The following GSG1 variants were observed in gnomAD, a reference collection of about 807,000 sequenced individuals.
GSG1 encodes germ cell-specific gene 1 protein.
A neutral mutation model predicts 30.8 loss-of-function variants in GSG1; 28 were observed. That is an observed-to-expected ratio of 0.91 (90% CI 0.67 to 1.25). GSG1 has a LOEUF of 1.25. GSG1 is among the 50% of genes most tolerant of loss of function. GSG1 has a pLI of 0.00. For synonymous variants in GSG1, 162 were observed against 178.0 expected, an observed-to-expected ratio of 0.91 and a Z score of 0.71; for missense variants, 435 against 444.7, an observed-to-expected ratio of 0.98 and a Z score of 0.20.
In GSG1 at chr12:13,101,699, G is replaced by A. The variant is rs1010128202; in HGVS notation, c.48+1766C>T. Among the ~76,000 whole-genome samples the A allele has an allele frequency of 1.3e-5, 2 of 152,224 alleles. No homozygotes were observed. Among genetic ancestry groups the A allele is most frequent in the African/African-American group, 4.8e-5 (2 of 41,462 alleles). Reference sequence around the variant, plus strand: ...TGGGCCAGGGCTCGGGATGTGTCGAGCTGCTGGAGTCCAAAGTCAGGCATT... The same window carrying A: ...TGGGCCAGGGCTCGGGATGTGTCGAACTGCTGGAGTCCAAAGTCAGGCATT... On this transcript the variant is annotated intron_variant, in intron 1 of 6. Coordinates refer to ENST00000651961, the MANE Select transcript of GSG1 (RefSeq NM_001080555.4). This position sits in a 1 kb window ranked among gnomAD's most constrained non-coding sequence, Gnocchi z 5.8.
rs1185628025 is a variant in GSG1 at position 13,090,793 on chromosome 12, C to T, written c.74G>A (p.Gly25Asp). ...QEMELSKAFS[G>D]QRTLLSAILS... ...GATGGCAGATAGGAGTGTCCGCTGG[C>T]CAGAGAAGGCCTTCGAGAGCTCCAT... Residue 25 changes from glycine to aspartate, a missense_variant, in exon 2 of 7, where the codon GGC becomes GAC. Coordinates refer to ENST00000651961, the MANE Select transcript of GSG1 (RefSeq NM_001080555.4). 1.2e-6 allele frequency: 2 copies of T among 1,612,842 alleles called. No individual in the cohort carries two copies. The highest frequency in any genetic ancestry group is 2.2e-5 in the East Asian group (1 of 44,854).
chr12:13,099,023 G>A (rs1367896307), intron 1 of GSG1, among the ~76,000 whole-genome samples: 1 of 152,038 alleles, frequency 6.6e-6, no homozygotes, highest in African/African-American at 2.4e-5. Flanking sequence ...TATTATTTTA[G>A]GCCTCCACAA....
intron 6 of GSG1, among the ~76,000 whole-genome samples, chr12:13,085,619 G>A (rs1865447742): frequency 6.6e-6 from 1 of 151,960 alleles, no homozygotes; most frequent in Admixed American, 6.6e-5. Flanking sequence ...AAGCTGAGCT[G>A]TATGCAGTGG....
intron 4 of GSG1, 54 bp downstream of exon 4, chr12:13,088,808 G>A: frequency 1.2e-6 from 2 of 1,614,202 alleles, no homozygotes; most frequent in Non-Finnish European, 1.7e-6. Context: ...CCAAATCGGA[G>A]AGTGGGGTGA....
rs1451601544 is a variant in GSG1 at position 13,084,606 on chromosome 12, T to C, written c.*295A>G. ...ATCCTTAAGGTCGGGAAGTGTATTT[T>C]ACTCTTCTTTTTATCTCCATGGTTT... On this transcript the variant is annotated 3_prime_UTR_variant, in exon 7 of 7. Coordinates refer to ENST00000651961, the MANE Select transcript of GSG1 (RefSeq NM_001080555.4). 1.2e-5 allele frequency: 3 copies of C among 251,444 alleles called. No individual in the cohort carries two copies. Among genetic ancestry groups the C allele is most frequent in the Non-Finnish European group, 2.3e-5 (3 of 129,606 alleles). 15.6% of individuals were successfully genotyped at this position (251,444 alleles called of 1,614,324 possible).
At chr12:13,089,021 C>T (rs1023313233) in intron 3 of GSG1, 112 bp from the exon 4 acceptor site, 50 of 1,384,048 alleles carry the variant, frequency 3.6e-5, no homozygotes, top group East Asian at 1.4e-4. Flanking sequence ...GCACCTGCCC[C>T]GCATAGAGCA....
Position 13,085,182 on chromosome 12 carries a change from T to G in GSG1, c.808A>C (p.Thr270Pro). The change falls in exon 7 of 7, where the codon ACC (threonine) becomes CCC (proline). Residue 270 changes from threonine (T) to proline (P), a missense_variant. Thr to Pro is a conservative substitution (Grantham distance 38). Coordinates refer to ENST00000651961, the MANE Select transcript of GSG1 (RefSeq NM_001080555.4). The part of the protein sequence containing the change: ...ASAVTTFNTY[T>P]RMVLEFKCKH... Reference sequence around the variant, plus strand: ...CACTTGAACTCCAGCACCATCCTGGTGTACGTGTTGAAGGTGGTGACAGCC... The same window carrying G: ...CACTTGAACTCCAGCACCATCCTGGGGTACGTGTTGAAGGTGGTGACAGCC... The G allele has an allele frequency of 6.2e-7, 1 of 1,613,978 alleles. No homozygotes were observed. The highest frequency in any genetic ancestry group is 1.1e-5 in the South Asian group (1 of 91,072).
At chr12:13,089,148 A>G in intron 3 of GSG1, 60 bp downstream of exon 3, 1 of 1,494,512 alleles carries the variant, frequency 6.7e-7, no homozygotes, top group Non-Finnish European at 9.1e-7. Flanking sequence ...GCACCTACAT[A>G]GCTTAGTGTT....
At chr12:13,094,101 T>G (rs1866427127) in intron 1 of GSG1, among the ~76,000 whole-genome samples, 1 of 129,040 alleles carries the variant, frequency 7.7e-6, no homozygotes, top group African/African-American at 2.5e-5. Flanking sequence ...TTAAATCTGC[T>G]TATCTTAAGA....
At chr12:13,086,794 T>C (rs1329427159) in intron 6 of GSG1, among the ~76,000 whole-genome samples, 1 of 152,008 alleles carries the variant, frequency 6.6e-6, no homozygotes, top group Admixed American at 6.6e-5. Flanking sequence ...CTCTAATACC[T>C]TGAATCATAA....
intron 1 of GSG1, chr12:13,095,551 A>G (rs767762171): frequency 6.4e-7 from 1 of 1,572,504 alleles, no homozygotes; most frequent in Non-Finnish European, 8.8e-7. Flanking sequence ...CAGGTACAAA[A>G]TAGCTGTAGA....
rs1429981879 is a variant in GSG1, at chr12:13,083,725, C to T, written c.*1176G>A. On this transcript the variant is annotated 3_prime_UTR_variant, in exon 7 of 7. Transcript: ENST00000651961. The stretch of plus-strand genomic sequence containing the variant: ...GACAGGCCCGGTGTGTGATGTTCCC[C>T]ACCCTGTGTCCAAGTGTTTTTATTG... 1 of 137,760 alleles carries T rather than the reference C, an allele frequency of 7.3e-6. No individual in the cohort carries two copies. Among genetic ancestry groups the T allele is most frequent in the Non-Finnish European group, 1.5e-5 (1 of 64,956 alleles). The allele number at this position is 137,760 out of a possible 1,614,324, so 8.5% of individuals were successfully genotyped here.
At chr12:13,099,863 T>G (rs1377676708) in intron 1 of GSG1, among the ~76,000 whole-genome samples, 1 of 151,696 alleles carries the variant, frequency 6.6e-6, no homozygotes, top group Non-Finnish European at 1.5e-5. Flanking sequence ...GAGCTAGATT[T>G]CTGACCCACG....
Position 13,100,791 on chromosome 12 carries a change from T to C in GSG1, c.48+2674A>G, listed in dbSNP as rs540038504. Among the ~76,000 whole-genome samples the C allele has an allele frequency of 1.1e-4, 17 of 152,290 alleles. No individual in the cohort carries two copies. In the South Asian group the frequency reaches 3.5e-3, roughly 32 times the overall value. On this transcript the variant is annotated intron_variant, in intron 1 of 6. Coordinates refer to ENST00000651961, the MANE Select transcript of GSG1 (RefSeq NM_001080555.4). ...TTAGTGTTCAAAATGACTACATCAC[T>C]GTAGGGCACTTAGCTCCGGGATTTA...
At chr12:13,087,071 C>T (rs953527522) in intron 6 of GSG1, 81 bp downstream of exon 6, 13 of 883,040 alleles carry the variant, frequency 1.5e-5, no homozygotes, top group East Asian at 2.4e-5. Flanking sequence ...AGGGCTTCAC[C>T]GAATAAGCAT....
In GSG1 at chr12:13,103,612, C is replaced by T. The variant is rs991311214; in HGVS notation, c.-100G>A. 13 of 1,297,776 alleles carry T rather than the reference C, an allele frequency of 1.0e-5. No individual in the cohort carries two copies. In the African/African-American group the frequency reaches 1.5e-4, roughly 15 times the overall value. 80.4% of individuals were successfully genotyped at this position (1,297,776 alleles called of 1,614,324 possible). On this transcript the variant is annotated 5_prime_UTR_variant, in exon 1 of 7. Transcript: ENST00000651961. ...TGTTTAGCGTGAGGATGAATCAGGT[C>T]CCCTCTTGCCAGCAGAGGGGTAAGG...
In GSG1 at chr12:13,088,076, G is replaced by A; in HGVS notation, c.482-17C>T. 6.2e-7 allele frequency: 1 copy of A among 1,614,058 alleles called. No homozygotes were observed. The highest frequency in any genetic ancestry group is 8.5e-7 in the Non-Finnish European group (1 of 1,179,940). Reference sequence around the variant, plus strand: ...ATAGGATTTCTGCCAGAAACCAGAGGAAGAGGGAGCGCTCACCCTGACAGT... The same window carrying A: ...ATAGGATTTCTGCCAGAAACCAGAGAAAGAGGGAGCGCTCACCCTGACAGT... On this transcript the variant is annotated splice_polypyrimidine_tract_variant and intron_variant, in intron 4 of 6. Coordinates refer to ENST00000651961, the MANE Select transcript of GSG1 (RefSeq NM_001080555.4).
At chr12:13,099,518 TC>T (rs1352878615) in intron 1 of GSG1, among the ~76,000 whole-genome samples, 1 of 152,214 alleles carries the variant, frequency 6.6e-6, no homozygotes, top group African/African-American at 2.4e-5. Flanking sequence ...AGTCACTGTT[TC>T]CTGTACTGGA....
At chr12:13,095,749 C>A (rs1866614348) in intron 1 of GSG1, 1 of 1,544,066 alleles carries the variant, frequency 6.5e-7, no homozygotes, top group Non-Finnish European at 8.7e-7. Flanking sequence ...ATCTCATATT[C>A]TTTGGAGTGC....
Sources: allele counts gnomAD v4.1 joint callset (sites outside exome capture counted in the v4.1 genomes callset), GRCh38; gene constraint gnomAD v4.1.1; non-coding constraint Gnocchi (gnomAD v3.1); transcripts MANE v1.5; gene names NCBI Gene and HGNC (gene_info 2026-07-23, HGNC 2026-07-21).